RAD51B: variants seen among roughly 807,000 people sequenced by gnomAD.
RAD51B encodes the protein DNA repair protein RAD51 homolog 2.
Under a neutral mutation model 42.2 loss-of-function variants are expected in RAD51B, and 38 were observed. The ratio of observed to expected loss-of-function variants is 0.90; its 90% confidence interval spans 0.70 to 1.18. The LOEUF is 1.18. Ranked by LOEUF, RAD51B falls within the 50% of genes most tolerant of loss-of-function variation. The pLI, the probability that RAD51B is intolerant of heterozygous loss-of-function variation, is 0.00. For synonymous variants in RAD51B, 154 were observed against 145.2 expected, an observed-to-expected ratio of 1.06 and a Z score of -0.43; for missense variants, 373 against 400.7, an observed-to-expected ratio of 0.93 and a Z score of 0.59.
intron 10 of RAD51B, among the ~76,000 whole-genome samples, chr14:68,520,225 G>A (rs1021243739): frequency 1.4e-4 from 21 of 152,176 alleles, no homozygotes; most frequent in African/African-American, 5.1e-4. Flanking sequence ...TAGTGACATA[G>A]GACATATATG....
intron 9 of RAD51B, among the ~76,000 whole-genome samples, chr14:68,414,237 C>A (rs746413720): frequency 6.6e-6 from 1 of 152,196 alleles, no homozygotes; most frequent in African/African-American, 2.4e-5. Flanking sequence ...CTTATCAGGG[C>A]CACAAGCCAA....
downstream of RAD51B, among the ~76,000 whole-genome samples, chr14:68,616,428 T>A (rs143952052): frequency 6.6e-6 from 1 of 152,322 alleles, no homozygotes; most frequent in East Asian, 1.9e-4. Context: ...CTGGCTTGCA[T>A]TGTTTTGATC....
At chr14:68,179,016 G>A (rs912338456) in intron 7 of RAD51B, among the ~76,000 whole-genome samples, 2 of 152,204 alleles carry the variant, frequency 1.3e-5, no homozygotes, top group South Asian at 2.1e-4. Context: ...AATGATTGTG[G>A]GAGTGTGTTT....
intron 10 of RAD51B, among the ~76,000 whole-genome samples, chr14:68,643,377 A>G (rs1892502891): frequency 6.6e-6 from 1 of 152,148 alleles, no homozygotes; most frequent in South Asian, 2.1e-4. Context: ...CCATTCATTT[A>G]CTTTTAATCT....
intron 7 of RAD51B, among the ~76,000 whole-genome samples, chr14:67,974,410 T>C (rs187842243): frequency 5.4e-4 from 82 of 152,238 alleles, no homozygotes; most frequent in African/African-American, 1.9e-3. Flanking sequence ...GGACTAGATA[T>C]TGATCTATGT....
chr14:68,649,215 A>T (rs908432896), intron 10 of RAD51B, among the ~76,000 whole-genome samples: 2 of 152,220 alleles, frequency 1.3e-5, no homozygotes, highest in African/African-American at 4.8e-5. Context: ...AGCTTGCTTT[A>T]TACTGATTGT....
chr14:67,984,026 C>T (rs769440670), intron 7 of RAD51B, among the ~76,000 whole-genome samples: 1 of 151,820 alleles, frequency 6.6e-6, no homozygotes, highest in Non-Finnish European at 1.5e-5. Flanking sequence ...GCAACCTCTG[C>T]CTCCCAGGTT....
intron 5 of RAD51B, among the ~76,000 whole-genome samples, chr14:67,873,348 C>T (rs1273603298): frequency 5.0e-4 from 76 of 152,284 alleles, no homozygotes; most frequent in Non-Finnish European, 1.9e-4. Context: ...TGCTCACCAT[C>T]ACTGGCCATC....
At chr14:67,888,562 C>T (rs1269234109) in intron 7 of RAD51B, among the ~76,000 whole-genome samples, 1 of 152,028 alleles carries the variant, frequency 6.6e-6, no homozygotes, top group Admixed American at 6.6e-5. Flanking sequence ...CACTGCACTT[C>T]AGCCTGGGAG....
intron 7 of RAD51B, among the ~76,000 whole-genome samples, chr14:68,026,492 AG>A (rs529906016): frequency 7.7e-4 from 117 of 151,686 alleles, no homozygotes; most frequent in Non-Finnish European, 1.4e-3. Flanking sequence ...GTCTTTTCAT[AG>A]GTCAAGAAGA....
chr14:68,193,730 G>T (rs981242993), intron 7 of RAD51B, among the ~76,000 whole-genome samples: 1 of 152,212 alleles, frequency 6.6e-6, no homozygotes, highest in Non-Finnish European at 1.5e-5. Context: ...TCATTCACCA[G>T]TCTGTTTTGA....
chr14:68,219,176 A>G (rs2079875332), intron 7 of RAD51B, among the ~76,000 whole-genome samples: 1 of 152,230 alleles, frequency 6.6e-6, no homozygotes. Flanking sequence ...TTGGAACAGG[A>G]GAATTTGATA....
At chr14:67,836,218 G>C (rs1037376237) in intron 4 of RAD51B, among the ~76,000 whole-genome samples, 1 of 152,176 alleles carries the variant, frequency 6.6e-6, no homozygotes. Context: ...CTGTTTCTGA[G>C]GGGCCCACTT....
intron 4 of RAD51B, among the ~76,000 whole-genome samples, chr14:67,853,888 A>G (rs1384191169): frequency 1.3e-5 from 2 of 152,240 alleles, no homozygotes; most frequent in Non-Finnish European, 2.9e-5. Flanking sequence ...GTGGAAGTAG[A>G]GAAGTGCTAT....
chr14:68,641,336 A>C (rs981965098), intron 10 of RAD51B, among the ~76,000 whole-genome samples: 4 of 152,184 alleles, frequency 2.6e-5, no homozygotes, highest in Non-Finnish European at 4.4e-5. Flanking sequence ...AATTGCTCGA[A>C]GTCCCAGGAG....
intron 9 of RAD51B, 105 bp from the exon 10 acceptor site, chr14:68,468,067 C>A: frequency 3.3e-6 from 3 of 904,496 alleles, no homozygotes; most frequent in Non-Finnish European, 5.4e-6. Context: ...AGCCTTGTGA[C>A]TTACAGTCCT....
At chr14:68,425,539 A>G (rs977713723) in intron 9 of RAD51B, among the ~76,000 whole-genome samples, 1 of 152,216 alleles carries the variant, frequency 6.6e-6, no homozygotes, top group African/African-American at 2.4e-5. Flanking sequence ...CCACCATGCA[A>G]TGATGCAGCA....
At chr14:68,179,887 T>C (rs975279531) in intron 7 of RAD51B, among the ~76,000 whole-genome samples, 2 of 152,102 alleles carry the variant, frequency 1.3e-5, no homozygotes, top group Admixed American at 1.3e-4. Context: ...GTGAATGGCT[T>C]ATAAGGAGTC....
intron 7 of RAD51B, among the ~76,000 whole-genome samples, chr14:67,895,018 GCCCACTGTGGCCT>G: frequency 6.6e-6 from 1 of 152,178 alleles, no homozygotes; most frequent in South Asian, 2.1e-4. Flanking sequence ...GAAGCAGTCT[GCCCACTGTGGCCT>G]CCTAAAGTTC....
Sources: allele counts gnomAD v4.1 joint callset (sites outside exome capture counted in the v4.1 genomes callset), GRCh38; gene constraint gnomAD v4.1.1; transcripts MANE v1.5; gene names NCBI Gene and HGNC (gene_info 2026-07-23, HGNC 2026-07-21).